CARS2: variants seen among roughly 807,000 people sequenced by gnomAD.
The protein encoded by CARS2 is probable cysteine--tRNA ligase, mitochondrial.
CARS2 carries 52 observed loss-of-function variants against 68.8 expected under a neutral mutation model. The ratio of observed to expected loss-of-function variants is 0.76; its 90% confidence interval spans 0.61 to 0.95. The LOEUF is 0.95. Among genes scored for constraint, CARS2 ranks in the 40% least tolerant of loss-of-function variants. The probability of loss-of-function intolerance (pLI) is 0.00; values close to 1 mark genes in which losing one functional copy is unlikely to be tolerated. For synonymous variants in CARS2, 314 were observed against 303.6 expected (o/e 1.03, Z -0.36); for missense variants, 780 against 754.2 (o/e 1.03, Z -0.40).
Position 110,676,852 on chromosome 13 carries a change from C to T in CARS2, c.785+122G>A. On this transcript the variant is annotated intron_variant, in intron 7 of 14. Transcript: ENST00000257347. This position sits in a 1 kb window ranked among gnomAD's most constrained non-coding sequence, Gnocchi z 4.0. ...TCACACTCCGGCAAAAATCTCTTCC[C>T]AAAAAATCACCCATGGGCACACGTG... 1 of 1,309,402 alleles carries T rather than the reference C, an allele frequency of 7.6e-7. No individual in the cohort carries two copies. Among genetic ancestry groups the T allele is most frequent in the South Asian group, 1.7e-5 (1 of 58,340 alleles). 81.1% of individuals were successfully genotyped at this position (1,309,402 alleles called of 1,614,324 possible). A position where few individuals can be genotyped will look rare whatever the true frequency, so the allele number is the denominator to read the frequency against.
rs1888240150 is a variant in CARS2, at chr13:110,647,131, C to T, written c.1163G>A (p.Gly388Asp). ...CCACAGCATCGCTTCCCTGACGGAG[C>T]CGCAGGCCAGCTGCCCCTTCATGTA... ...RAYMKGQLAC[G>D]SVREAMLWER... The change falls in exon 11 of 15, where the codon GGC (glycine) becomes GAC (aspartate). Residue 388 changes from glycine (G) to aspartate (D), a missense_variant. Physicochemically the swap from Gly to Asp is moderately conservative, Grantham distance 94. Coordinates refer to ENST00000257347, the MANE Select transcript of CARS2 (RefSeq NM_024537.4). 3 of 1,604,314 alleles carry T rather than the reference C, an allele frequency of 1.9e-6. No homozygotes were observed. Among genetic ancestry groups the T allele is most frequent in the South Asian group, 1.1e-5 (1 of 89,704 alleles).
At position 110,705,976 on chromosome 13, in the gene CARS2, G is replaced by T. The variant is rs1426766304; in HGVS notation, c.118C>A (p.Arg40=). Residue 40 remains arginine (R), a synonymous_variant, in exon 1 of 15, where the codon CGG becomes AGG. Coordinates refer to ENST00000257347, the MANE Select transcript of CARS2 (RefSeq NM_024537.4). The surrounding 1 kb of genome is among the most constrained non-coding windows in gnomAD (Gnocchi z 4.0). ...AGRAASGGRG[R]AWLQPTGRET... ...CGGCCCGTGGGCTGCAGCCAGGCCCGCCCGCGCCCCCCGCTCGCCGCCCGG... is the reference window on the plus strand; with the variant it reads ...CGGCCCGTGGGCTGCAGCCAGGCCCTCCCGCGCCCCCCGCTCGCCGCCCGG... 17 of 1,513,462 alleles carry T rather than the reference G, an allele frequency of 1.1e-5. No homozygotes were observed. Among genetic ancestry groups the T allele is most frequent in the Non-Finnish European group, 1.5e-5 (17 of 1,134,952 alleles). 93.8% of individuals were successfully genotyped at this position (1,513,462 alleles called of 1,614,324 possible).
At chr13:110,692,123 T>C (rs577634556) in intron 3 of CARS2, among the ~76,000 whole-genome samples, 108 of 139,400 alleles carry the variant, frequency 7.7e-4, no homozygotes, top group Non-Finnish European at 1.1e-3. Flanking sequence ...TACACACACA[T>C]ATATATACAT....
intron 9 of CARS2, among the ~76,000 whole-genome samples, chr13:110,656,771 C>G (rs1013311665): frequency 4.6e-5 from 7 of 152,118 alleles, no homozygotes; most frequent in South Asian, 2.1e-4. Flanking sequence ...GTAGTCCCAG[C>G]TACTCAGGAG....
intron 9 of CARS2, among the ~76,000 whole-genome samples, chr13:110,661,936 C>A (rs1433182462): frequency 6.6e-6 from 1 of 152,226 alleles, no homozygotes; most frequent in Admixed American, 6.5e-5. Flanking sequence ...TCAGAGATCA[C>A]TGACCACAGA....
rs436462 is a variant in CARS2, at chr13:110,646,045, A to G, written c.1239T>C (p.Asp413=). ...KRAVKAALAD[D]FDTPRVVDAI... ...CATCAACCACCCTGGGTGTGTCAAA[A>G]TCATCTGCCAAGGCCGCCTTCACGG... is the stretch of plus-strand genomic sequence containing the variant. Residue 413 remains aspartate (D), a synonymous_variant, in exon 12 of 15, where the codon GAT becomes GAC. Coordinates refer to ENST00000257347, the MANE Select transcript of CARS2 (RefSeq NM_024537.4). 566,382 of 1,613,002 alleles carry G rather than the reference A, an allele frequency of 0.35. 105,687 individuals are homozygous for G. The highest frequency in any genetic ancestry group is 0.6 in the African/African-American group (44,727 of 74,842).
At chr13:110,709,468 T>G (rs908037900), upstream of CARS2, among the ~76,000 whole-genome samples, 5 of 152,166 alleles carry the variant, frequency 3.3e-5, no homozygotes, top group African/African-American at 1.2e-4. Flanking sequence ...TAATGATGGT[T>G]AGAAATGTGA....
intron 2 of CARS2, among the ~76,000 whole-genome samples, chr13:110,703,772 G>A (rs2063859717): frequency 6.6e-6 from 1 of 152,262 alleles, no homozygotes; most frequent in African/African-American, 2.4e-5. Flanking sequence ...AGTGTCCTGG[G>A]AGGAGATGGG....
intron 3 of CARS2, among the ~76,000 whole-genome samples, chr13:110,699,293 C>G (rs943936782): frequency 7.9e-5 from 12 of 152,218 alleles, no homozygotes; most frequent in African/African-American, 2.9e-4. Flanking sequence ...AACTGCCAAA[C>G]AGCAGCCCAC....
In CARS2 at chr13:110,642,315, CTTGATG is replaced by C. The variant is rs752848136; in HGVS notation, c.1617_1622del (p.Asn539_Ile540del). The C allele has an allele frequency of 7.7e-6, 12 of 1,549,116 alleles. No individual in the cohort carries two copies. The highest frequency in any genetic ancestry group is 1.8e-4 in the Middle Eastern group (1 of 5,414). ...TCCCTGACCTTGGTGCGGCACTCAC[CTTGATG>C]TTGATGCCGTGGGCAGTCAGGCCCC... On this transcript the variant is annotated inframe_deletion and splice_region_variant, in exon 14 of 15. Coordinates refer to ENST00000257347, the MANE Select transcript of CARS2 (RefSeq NM_024537.4).
chr13:110,666,261 G>A, intron 8 of CARS2: 1 of 985,404 alleles, frequency 1.0e-6, no homozygotes, highest in Non-Finnish European at 1.2e-6. Context: ...AGGGCGGCAG[G>A]CGTTTGTTCT....
rs1887879312 is a variant in CARS2, at chr13:110,644,861, GCA to G, written c.1318-380_1318-379del. 1.4e-5 allele frequency: 3 copies of G among 213,894 alleles called. No homozygotes were observed. In the Admixed American group the frequency reaches 1.5e-4, roughly 11 times the overall value. 13.2% of individuals were successfully genotyped at this position (213,894 alleles called of 1,614,324 possible). On this transcript the variant is annotated intron_variant, in intron 12 of 14. Transcript: ENST00000257347. ...GTACGTGGCTCACATCAGTTACCAA[GCA>G]CAGAGACCCTTGGGTGACACTAGCC...
Position 110,689,337 on chromosome 13 carries a change from C to T in CARS2, c.394-1319G>A, listed in dbSNP as rs574323397. Among the ~76,000 whole-genome samples the T allele has an allele frequency of 3.3e-5, 5 of 152,314 alleles. No homozygotes were observed. In the East Asian group the frequency reaches 7.7e-4, roughly 23 times the overall value. ...CACGCAGCCTCGGGAACCAAGTCTC[C>T]CCATTTCACAGGTGAAGGAATTACC... On this transcript the variant is annotated intron_variant, in intron 3 of 14. Transcript: ENST00000257347.
chr13:110,702,237 G>C (rs574340287), intron 2 of CARS2, among the ~76,000 whole-genome samples: 2 of 152,232 alleles, frequency 1.3e-5, no homozygotes, highest in Non-Finnish European at 2.9e-5. Context: ...AGGGTGGTGT[G>C]GGGGAATCCT....
chr13:110,677,292 A>G, intron 6 of CARS2, among the ~76,000 whole-genome samples, 189 bp from the exon 7 acceptor site: 1 of 27,062 alleles, frequency 3.7e-5, no homozygotes, highest in African/African-American at 8.1e-5. Context: ...CCACGGAAAC[A>G]CAGAAAATCA....
intron 9 of CARS2, among the ~76,000 whole-genome samples, chr13:110,654,280 C>A (rs2062304326): frequency 6.6e-6 from 1 of 152,206 alleles, no homozygotes; most frequent in African/African-American, 2.4e-5. Flanking sequence ...AGGTTTTAAA[C>A]CATTATCTGA....
chr13:110,657,683 C>T (rs1400045126), intron 9 of CARS2, among the ~76,000 whole-genome samples: 2 of 152,182 alleles, frequency 1.3e-5, no homozygotes, highest in Non-Finnish European at 2.9e-5. Flanking sequence ...CATGACTTTG[C>T]AATAACCAAT....
In CARS2 at chr13:110,696,032, C is replaced by T. The variant is rs148807294; in HGVS notation, c.393+5406G>A. On this transcript the variant is annotated intron_variant, in intron 3 of 14. Coordinates refer to ENST00000257347, the MANE Select transcript of CARS2 (RefSeq NM_024537.4). ...TTATGAGTGAGAACCATGCGGTGTT[C>T]GGTTTTCTGTTCCTGTGTTAGTTTG... Among the ~76,000 whole-genome samples, 774 of 152,198 alleles carry T rather than the reference C, an allele frequency of 5.1e-3. 12 individuals carry two copies. Among genetic ancestry groups the T allele is most frequent in the South Asian group, 0.05 (240 of 4,818 alleles).
intron 7 of CARS2, among the ~76,000 whole-genome samples, chr13:110,672,991 A>G (rs1355619258): frequency 2.0e-5 from 3 of 152,238 alleles, no homozygotes; most frequent in African/African-American, 7.2e-5. Flanking sequence ...TCCTGGACAC[A>G]TACACCCTCC....
Sources: gnomAD v4.1 joint callset for allele counts (sites outside exome capture counted in the v4.1 genomes callset) on GRCh38, gnomAD v4.1.1 for gene constraint, Gnocchi (gnomAD v3.1) non-coding constraint, MANE v1.5 for transcripts, NCBI Gene and HGNC (gene_info 2026-07-23, HGNC 2026-07-21) for gene names.